The following BTG4 variants were observed in gnomAD, a reference collection of about 807,000 sequenced individuals.
BTG4 encodes the protein BTG anti-proliferation factor 4.
Under a neutral mutation model 19.3 loss-of-function variants are expected in BTG4, and 10 were observed. The observed-to-expected ratio is 0.52, with a 90% CI of 0.32 to 0.88. The LOEUF (loss-of-function observed/expected upper bound fraction) is 0.88. BTG4 is among the 40% of genes least tolerant of loss of function. The pLI is 0.04. For missense variants in BTG4, 238 were observed against 281.9 expected, an observed-to-expected ratio of 0.84 and a Z score of 1.11; for synonymous variants, 91 against 95.7, an observed-to-expected ratio of 0.95 and a Z score of 0.29.
At chr11:111,407,459 T>C in the BTG4 span, among the ~76,000 whole-genome samples, 1 of 151,958 alleles carries the variant, frequency 6.6e-6, no homozygotes, top group Admixed American at 6.6e-5. Flanking sequence ...TCACCTGAGG[T>C]CAGGAGTTCA....
chr11:111,503,003 A>G (rs1223073433), intron 1 of BTG4, among the ~76,000 whole-genome samples: 2 of 152,208 alleles, frequency 1.3e-5, no homozygotes, highest in Non-Finnish European at 2.9e-5. Flanking sequence ...TTCTGTTTTA[A>G]TTAACACTCA....
In BTG4 at chr11:111,497,324, C is replaced by T; in HGVS notation, c.397G>A (p.Ala133Thr). The T allele has an allele frequency of 6.3e-7, 1 of 1,583,590 alleles. No homozygotes were observed. The highest frequency in any genetic ancestry group is 8.6e-7 in the Non-Finnish European group (1 of 1,169,044). ...ACGTCTGATGAGGCTCTACTAACGG[C>T]ATAACTGATTTGTTGATATAGTTCC... ...EWELYQQISYAVSRASSDVSS... is the reference protein window; with the variant it reads ...EWELYQQISYTVSRASSDVSS... The change falls in exon 4 of 5, where the codon GCC becomes ACC. Residue 133 changes from alanine to threonine, a missense_variant. Physicochemically the swap from Ala to Thr is moderately conservative, Grantham distance 58 (BLOSUM62 0). Coordinates refer to ENST00000692032, the MANE Select transcript of BTG4 (RefSeq NM_001367975.1).
intron 5 of BTG4, among the ~76,000 whole-genome samples, chr11:111,484,929 TC>T: frequency 6.6e-6 from 1 of 152,172 alleles, no homozygotes; most frequent in Non-Finnish European, 1.5e-5. Context: ...AAAAAGATAT[TC>T]TATGCAAATG....
At chr11:111,386,601 T>C in the BTG4 span, among the ~76,000 whole-genome samples, 5 of 152,212 alleles carry the variant, frequency 3.3e-5, no homozygotes. Context: ...TGTATATACA[T>C]ATTTTCCTTG....
Position 111,498,809 on chromosome 11 carries a change from C to A in BTG4, c.-26-7G>T. On this transcript the variant is annotated splice_region_variant and splice_polypyrimidine_tract_variant and intron_variant, in intron 1 of 4. Coordinates refer to ENST00000692032, the MANE Select transcript of BTG4 (RefSeq NM_001367975.1). ...GAAAAATAGATAAGGAGGTCTGAAT[C>A]ATTAAAAGGAAGCAAGAAGAAATAG... The A allele has an allele frequency of 6.5e-7, 1 of 1,537,234 alleles. No individual in the cohort carries two copies. Among genetic ancestry groups the A allele is most frequent in the South Asian group, 1.2e-5 (1 of 82,346 alleles).
At chr11:111,416,903 G>T in the BTG4 span, 2 of 152,188 alleles carry the variant, frequency 1.3e-5, no homozygotes, top group African/African-American at 4.8e-5. Flanking sequence ...TATCCTCCAG[G>T]TCAGGAGCCA....
intron 5 of BTG4, among the ~76,000 whole-genome samples, chr11:111,470,780 G>A (rs1864015821): frequency 6.6e-6 from 1 of 151,844 alleles, no homozygotes; most frequent in Non-Finnish European, 1.5e-5. Context: ...TAAATTAGCC[G>A]GGCATGGTGG....
chr11:111,508,260 G>C (rs1866603436), intron 1 of BTG4, among the ~76,000 whole-genome samples: 2 of 151,872 alleles, frequency 1.3e-5, no homozygotes, highest in Non-Finnish European at 2.9e-5. Context: ...AGTCTCCTCT[G>C]TCTCTCCCTC....
chr11:111,451,173 C>T, the BTG4 span: 1 of 276,582 alleles, frequency 3.6e-6, no homozygotes, highest in Non-Finnish European at 7.6e-6. Context: ...ATCATGGAGG[C>T]CCTAGAGAGG....
At chr11:111,498,279 C>G in intron 2 of BTG4, 144 bp from the exon 3 acceptor site, 1 of 878,340 alleles carries the variant, frequency 1.1e-6, no homozygotes, top group East Asian at 2.5e-5. Flanking sequence ...ACCCTCCACT[C>G]TTACAAGTAA....
the BTG4 span, chr11:111,397,042 G>A: frequency 5.0e-4 from 76 of 152,226 alleles, no homozygotes; most frequent in African/African-American, 1.7e-3. Flanking sequence ...ATGAAACTAG[G>A]GCTGAAAAAG....
chr11:111,502,088 G>C (rs1373300182), intron 1 of BTG4, among the ~76,000 whole-genome samples: 1 of 152,082 alleles, frequency 6.6e-6, no homozygotes, highest in East Asian at 1.9e-4. Context: ...GGAATCACCT[G>C]AAGATCTTTT....
the BTG4 span, among the ~76,000 whole-genome samples, chr11:111,391,318 C>A: frequency 6.6e-6 from 1 of 152,278 alleles, no homozygotes; most frequent in South Asian, 2.1e-4. Flanking sequence ...GCCAACACAC[C>A]CATTTTCTGT....
In BTG4 at chr11:111,498,732, C is replaced by A; in HGVS notation, c.45G>T (p.Leu15Phe). 1.9e-6 allele frequency: 3 copies of A among 1,612,596 alleles called. No homozygotes were observed. The highest frequency in any genetic ancestry group is 2.5e-6 in the Non-Finnish European group (3 of 1,179,396). Residue 15 changes from leucine to phenylalanine, a missense_variant, in exon 2 of 5, where the codon TTG (leucine) becomes TTT (phenylalanine). By Grantham distance (22) the Leu-to-Phe change is conservative. Transcript: ENST00000692032. ...TACTTAGTTTATCATGTTTTTTCAC[C>A]AATCTTGTGACAAAGAAAACTGTTG... ...IATTVFFVTR[L>F]VKKHDKLSKQ...
chr11:111,398,710 T>A, the BTG4 span, among the ~76,000 whole-genome samples: 4 of 151,964 alleles, frequency 2.6e-5, no homozygotes, highest in Admixed American at 2.6e-4. Context: ...AATCACACAG[T>A]GACACCTTCC....
At chr11:111,459,061 G>A in the BTG4 span, among the ~76,000 whole-genome samples, 1 of 152,114 alleles carries the variant, frequency 6.6e-6, no homozygotes, top group Non-Finnish European at 1.5e-5. Context: ...GATCAATATG[G>A]TGAAACCCCG....
At chr11:111,466,404 C>T (rs1349644073), downstream of BTG4, among the ~76,000 whole-genome samples, 1 of 152,156 alleles carries the variant, frequency 6.6e-6, no homozygotes, top group Admixed American at 6.5e-5. Flanking sequence ...TTTCTATGTA[C>T]TAGACACTGT....
At chr11:111,467,353 T>C (rs1331378657), downstream of BTG4, among the ~76,000 whole-genome samples, 3 of 152,210 alleles carry the variant, frequency 2.0e-5, no homozygotes, top group Non-Finnish European at 2.9e-5. Context: ...AAGTAGTAAA[T>C]TGATTGTCAT....
chr11:111,411,475 C>T, the BTG4 span, among the ~76,000 whole-genome samples: 1 of 152,228 alleles, frequency 6.6e-6, no homozygotes, highest in Non-Finnish European at 1.5e-5. Context: ...CCTGGCCATC[C>T]TATTGGAAAT....
Sources: allele counts gnomAD v4.1 joint callset (sites outside exome capture counted in the v4.1 genomes callset), GRCh38; gene constraint gnomAD v4.1.1; transcripts MANE v1.5; gene names NCBI Gene and HGNC (gene_info 2026-07-23, HGNC 2026-07-21).